Variants in EYA2 observed in about 807,000 individuals in gnomAD.
EYA2 encodes EYA transcriptional coactivator and phosphatase 2, also known as protein phosphatase EYA2.
Under a neutral mutation model 69.2 loss-of-function variants are expected in EYA2, and 31 were observed. The observed-to-expected ratio is 0.45, with a 90% CI of 0.34 to 0.60. EYA2 has a LOEUF of 0.60. Ranked by LOEUF, EYA2 falls within the 20% of genes least tolerant of loss-of-function variation. EYA2 has a pLI of 0.02. For missense variants in EYA2, 622 were observed against 701.2 expected (o/e 0.89, Z 1.28); for synonymous variants, 257 against 279.4 (o/e 0.92, Z 0.80).
At chr20:47,157,794 C>T (rs571862755) in intron 10 of EYA2, among the ~76,000 whole-genome samples, 15 of 151,868 alleles carry the variant, frequency 9.9e-5, no homozygotes, top group African/African-American at 3.4e-4. Flanking sequence ...TTTTGGTGCC[C>T]CCACCAAAAA....
At chr20:47,180,639 T>C (rs2034520303) in intron 13 of EYA2, among the ~76,000 whole-genome samples, 176 bp from the exon 14 acceptor site, 1 of 152,230 alleles carries the variant, frequency 6.6e-6, no homozygotes, top group Non-Finnish European at 1.5e-5. Flanking sequence ...GTCAGGCAGC[T>C]TCAGGCTTAA....
chr20:46,987,928 CTCTCTCTCTCT>C, intron 1 of EYA2, among the ~76,000 whole-genome samples: 1 of 29,216 alleles, frequency 3.4e-5, no homozygotes, highest in Non-Finnish European at 5.8e-5. Flanking sequence ...CTCTCTCTCT[CTCTCTCTCTCT>C]CTCTCTCTCT....
At position 47,178,159 on chromosome 20, in the gene EYA2, C is replaced by A. The variant is rs137879965; in HGVS notation, c.1199-1639C>A. On this transcript the variant is annotated intron_variant, in intron 12 of 15. Coordinates refer to ENST00000327619, the MANE Select transcript of EYA2 (RefSeq NM_005244.5). The stretch of plus-strand genomic sequence containing the variant: ...TTTGGGCAACATAGCAAGACCCCAC[C>A]TCTATGAAAAATACAAAATTTAGCC... Among the ~76,000 whole-genome samples, 677 of 152,182 alleles carry A rather than the reference C, an allele frequency of 4.4e-3. 4 individuals are homozygous for A. The highest frequency in any genetic ancestry group is 0.014 in the African/African-American group (597 of 41,518).
At chr20:47,168,651 G>A (rs1254706339) in intron 10 of EYA2, among the ~76,000 whole-genome samples, 3 of 152,122 alleles carry the variant, frequency 2.0e-5, no homozygotes, top group Non-Finnish European at 4.4e-5. Flanking sequence ...GGCACAGCAG[G>A]TGTCCCTCCA....
intron 10 of EYA2, chr20:47,161,612 A>G (rs1023692611): frequency 2.0e-5 from 5 of 246,510 alleles, no homozygotes; most frequent in African/African-American, 7.0e-5. Context: ...GTCCGCGGCT[A>G]TGACCCCAGC....
intron 9 of EYA2, among the ~76,000 whole-genome samples, chr20:47,136,190 G>A (rs1293012182): frequency 3.9e-5 from 6 of 152,058 alleles, no homozygotes; most frequent in Non-Finnish European, 5.9e-5. Context: ...CTTACAATAC[G>A]GCATAAATTG....
At chr20:47,034,653 A>G (rs1224327719) in intron 5 of EYA2, among the ~76,000 whole-genome samples, 1 of 152,254 alleles carries the variant, frequency 6.6e-6, no homozygotes, top group Non-Finnish European at 1.5e-5. Flanking sequence ...GAGGAATGCC[A>G]GTAAGTCAAC....
At chr20:46,980,056 G>A (rs1015809850) in intron 1 of EYA2, among the ~76,000 whole-genome samples, 2 of 152,122 alleles carry the variant, frequency 1.3e-5, no homozygotes, top group African/African-American at 4.8e-5. Context: ...GTAGACTTTA[G>A]AGCTGGATGG....
intron 1 of EYA2, among the ~76,000 whole-genome samples, chr20:46,942,955 G>A (rs1011416456): frequency 4.6e-5 from 7 of 152,264 alleles, no homozygotes; most frequent in East Asian, 3.9e-4. Flanking sequence ...TAGTAGAGAC[G>A]GAGTTTCACC....
chr20:47,172,383 G>A (rs2034339093), intron 11 of EYA2, among the ~76,000 whole-genome samples: 2 of 152,096 alleles, frequency 1.3e-5, no homozygotes, highest in African/African-American at 4.8e-5. Flanking sequence ...GGTTGAGGCT[G>A]CCATGAGCTG....
At chr20:47,034,269 G>A (rs889316708) in intron 5 of EYA2, among the ~76,000 whole-genome samples, 1 of 152,170 alleles carries the variant, frequency 6.6e-6, no homozygotes, top group Non-Finnish European at 1.5e-5. Context: ...AGTCTTCTCA[G>A]ACAAATTTAT....
At chr20:46,942,087 C>A (rs1480506167) in intron 1 of EYA2, among the ~76,000 whole-genome samples, 1 of 152,188 alleles carries the variant, frequency 6.6e-6, no homozygotes, top group Non-Finnish European at 1.5e-5. Context: ...TACAAAAGTG[C>A]TTGGCAACGA....
At chr20:46,995,155 C>G (rs375074945) in intron 2 of EYA2, among the ~76,000 whole-genome samples, 1 of 151,114 alleles carries the variant, frequency 6.6e-6, no homozygotes. Context: ...CTCGCCTAAG[C>G]CTCCCAAAGT....
In EYA2 at chr20:46,974,935, C is replaced by T. The variant is rs561625439; in HGVS notation, c.-10-15066C>T. Among the ~76,000 whole-genome samples, 16 of 152,210 alleles carry T rather than the reference C, an allele frequency of 1.1e-4. No individual in the cohort carries two copies. In the South Asian group the frequency reaches 2.7e-3, roughly 26 times the overall value. On this transcript the variant is annotated intron_variant, in intron 1 of 15. Transcript: ENST00000327619. ...GCCTAGAGAATATTGGAACACGCAT[C>T]GTAAAATGCAGACATCTGAACTTGC...
intron 5 of EYA2, among the ~76,000 whole-genome samples, chr20:47,027,251 G>T (rs760645820): frequency 4.6e-5 from 7 of 152,222 alleles, no homozygotes; most frequent in Non-Finnish European, 7.3e-5. Context: ...GCATCTTTCA[G>T]GCTGTCCCAG....
chr20:47,172,953 G>T (rs2146657037), intron 12 of EYA2, 86 bp downstream of exon 12: 1 of 1,479,828 alleles, frequency 6.8e-7, no homozygotes, highest in South Asian at 1.3e-5. Flanking sequence ...CAGGCGCCAG[G>T]CAGAGAGGTT....
At chr20:47,064,993 T>G (rs1368508127) in intron 5 of EYA2, among the ~76,000 whole-genome samples, 1 of 152,100 alleles carries the variant, frequency 6.6e-6, no homozygotes, top group Non-Finnish European at 1.5e-5. Context: ...ACAATCATGG[T>G]GGAAGGCAAA....
At position 47,154,819 on chromosome 20, in the gene EYA2, T is replaced by TTTTGTGTGTG. The variant is rs1555832407; in HGVS notation, c.978+11672_978+11673insTTGTGTGTGT. Among the ~76,000 whole-genome samples the TTTTGTGTGTG allele has an allele frequency of 2.1e-5, 3 of 140,794 alleles. No homozygotes were observed. In the Admixed American group the frequency reaches 2.1e-4, roughly 10 times the overall value. 92.4% of individuals were successfully genotyped at this position (140,794 alleles called of 152,430 possible). A position where few individuals can be genotyped will look rare whatever the true frequency, so the allele number is the denominator to read the frequency against. ...TGATTTTGTTTTTGTTTATTTTGTT[T>TTTTGTGTGTG]TGTGTGTGTGTGTGTGTGTGTGTGT... On this transcript the variant is annotated intron_variant, in intron 10 of 15. Coordinates refer to ENST00000327619, the MANE Select transcript of EYA2 (RefSeq NM_005244.5).
intron 1 of EYA2, among the ~76,000 whole-genome samples, chr20:46,932,703 C>T (rs1985724449): frequency 6.6e-6 from 1 of 151,948 alleles, no homozygotes; most frequent in African/African-American, 2.4e-5. Flanking sequence ...GCCAATGTGG[C>T]GAAACCCTGT....
Sources: allele counts gnomAD v4.1 joint callset (sites outside exome capture counted in the v4.1 genomes callset), GRCh38; gene constraint gnomAD v4.1.1; transcripts MANE v1.5; gene names NCBI Gene and HGNC (gene_info 2026-07-23, HGNC 2026-07-21).